Variants in PCDHGA1 observed in about 807,000 individuals in gnomAD.
PCDHGA1 encodes protocadherin gamma-A1.
Under a neutral mutation model 58.0 loss-of-function variants are expected in PCDHGA1, and 32 were observed. That is an observed-to-expected ratio of 0.55 (90% CI 0.42 to 0.74). The LOEUF (loss-of-function observed/expected upper bound fraction) is 0.74, where lower values mean the gene tolerates loss of function less well. Ranked by LOEUF, PCDHGA1 falls within the 30% of genes least tolerant of loss-of-function variation. The pLI is 0.00. For missense variants in PCDHGA1, 1,205 were observed against 1,182.3 expected, an observed-to-expected ratio of 1.02 and a Z score of -0.28; for synonymous variants, 498 against 501.1, an observed-to-expected ratio of 0.99 and a Z score of 0.08.
intron 1 of PCDHGA1, chr5:141,350,444 C>T (rs1238234703): frequency 6.2e-7 from 1 of 1,610,540 alleles, no homozygotes; most frequent in African/African-American, 1.3e-5. Flanking sequence ...GTTGCCAACT[C>T]GAAAACTGCG....
chr5:141,361,047 G>C, intron 1 of PCDHGA1: 1 of 1,613,616 alleles, frequency 6.2e-7, no homozygotes, highest in Non-Finnish European at 8.5e-7. Flanking sequence ...TCACGACAAA[G>C]GATGATTTGG....
At chr5:141,364,869 T>G (rs1187168738) in intron 1 of PCDHGA1, 1 of 1,613,998 alleles carries the variant, frequency 6.2e-7, no homozygotes, top group East Asian at 2.2e-5. Flanking sequence ...CACTTCTCTC[T>G]GGATGTGGTA....
chr5:141,409,546 C>T lies in PCDHGA1; in HGVS notation c.2421+76441C>T, dbSNP rs775680397. 19 of 1,613,880 alleles carry T rather than the reference C, an allele frequency of 1.2e-5. No individual in the cohort carries two copies. The South Asian group carries it at 2.0e-4, about 17-fold the overall frequency. ...TGTATGTCGCTGACATCAACGACAA[C>T]GCCCCAGTTTTCGACCAGACGTCCT... On this transcript the variant is annotated intron_variant, in intron 1 of 3. Coordinates refer to ENST00000517417, the MANE Select transcript of PCDHGA1 (RefSeq NM_018912.3).
intron 1 of PCDHGA1, chr5:141,421,959 A>G (rs2096614103): frequency 1.9e-6 from 3 of 1,612,798 alleles, no homozygotes; most frequent in East Asian, 2.2e-5. Flanking sequence ...CAATGTTTAC[A>G]CAGTCCGTAT....
In PCDHGA1 at chr5:141,476,802, C is replaced by T; in HGVS notation, c.2422-18005C>T. 2 of 1,613,638 alleles carry T rather than the reference C, an allele frequency of 1.2e-6. No homozygotes were observed. The highest frequency in any genetic ancestry group is 1.7e-6 in the Non-Finnish European group (2 of 1,180,020). On this transcript the variant is annotated intron_variant, in intron 1 of 3. Coordinates refer to ENST00000517417, the MANE Select transcript of PCDHGA1 (RefSeq NM_018912.3). The surrounding 1 kb of genome is among the most constrained non-coding windows in gnomAD (Gnocchi z 7.6). ...ACCCCAGCTCTCTCCGCCAGCCTGC[C>T]TATTCACATCAAGGTGCTGGACGCG... is the stretch of plus-strand genomic sequence containing the variant.
chr5:141,441,752 C>T, intron 1 of PCDHGA1: 2 of 378,086 alleles, frequency 5.3e-6, no homozygotes, highest in Non-Finnish European at 1.1e-5. Context: ...TCGGCGTCAA[C>T]GTGAGCCTGC....
In PCDHGA1 at chr5:141,380,519, G is replaced by C. The variant is rs564373516; in HGVS notation, c.2421+47414G>C. 2.0e-5 allele frequency among the ~76,000 whole-genome samples: 3 copies of C among 152,234 alleles called. No homozygotes were observed. In the East Asian group the frequency reaches 5.8e-4, roughly 29 times the overall value. ...CAATAATATACACTCTTTAAACTATGAAATGATTTCAATTTGATACAATGA... is the reference window on the plus strand; with the variant it reads ...CAATAATATACACTCTTTAAACTATCAAATGATTTCAATTTGATACAATGA... On this transcript the variant is annotated intron_variant, in intron 1 of 3. Transcript: ENST00000517417.
At chr5:141,471,492 G>A (rs912591449) in intron 1 of PCDHGA1, 1 of 152,176 alleles carries the variant, frequency 6.6e-6, no homozygotes, top group Non-Finnish European at 1.5e-5. Context: ...GGAATTTAGG[G>A]AATGCAAGAG....
At chr5:141,423,192 C>T in intron 1 of PCDHGA1, 2 of 1,613,622 alleles carry the variant, frequency 1.2e-6, no homozygotes, top group African/African-American at 2.7e-5. Context: ...AGCCCCCTCT[C>T]TCGGCCACCG....
intron 1 of PCDHGA1, among the ~76,000 whole-genome samples, chr5:141,368,453 G>A (rs775342461): frequency 2.2e-4 from 33 of 151,956 alleles, no homozygotes; most frequent in Non-Finnish European, 4.1e-4. Flanking sequence ...CAAACTCACC[G>A]AATAGTGAAT....
chr5:141,371,232 G>A lies in PCDHGA1; in HGVS notation c.2421+38127G>A, dbSNP rs1383557802. On this transcript the variant is annotated intron_variant, in intron 1 of 3. Coordinates refer to ENST00000517417, the MANE Select transcript of PCDHGA1 (RefSeq NM_018912.3). ...GGGCATCAATGCCGAAATCATCTATGCCTTCATCAATATTGGCAAGGAAGT... is the reference window on the plus strand; with the variant it reads ...GGGCATCAATGCCGAAATCATCTATACCTTCATCAATATTGGCAAGGAAGT... 6 of 1,613,918 alleles carry A rather than the reference G, an allele frequency of 3.7e-6. No homozygotes were observed. In the Admixed American group the frequency reaches 6.7e-5, roughly 18 times the overall value.
chr5:141,330,805 A>C lies in PCDHGA1; in HGVS notation c.121A>C (p.Lys41Gln). The C allele has an allele frequency of 6.2e-7, 1 of 1,614,224 alleles. No homozygotes were observed. Among genetic ancestry groups the C allele is most frequent in the Middle Eastern group, 1.6e-4 (1 of 6,062 alleles). ...CTACTCAGTGCCGGAAGAGACAGAC[A>C]AAGGTTCCTTCGTAGGCAACATCGC... ...IHYSVPEETDKGSFVGNIAKD... is the reference protein window; with the variant it reads ...IHYSVPEETDQGSFVGNIAKD... The change falls in exon 1 of 4, where the codon AAA becomes CAA. Residue 41 changes from lysine to glutamine, a missense_variant. Physicochemically the swap from Lys to Gln is moderately conservative, Grantham distance 53. Coordinates refer to ENST00000517417, the MANE Select transcript of PCDHGA1 (RefSeq NM_018912.3).
chr5:141,392,785 T>G (rs1329989423), intron 1 of PCDHGA1: 2 of 1,549,000 alleles, frequency 1.3e-6, no homozygotes, highest in African/African-American at 2.7e-5. Flanking sequence ...ACAGTGAAGA[T>G]TCTGAGAGGA....
intron 1 of PCDHGA1, among the ~76,000 whole-genome samples, chr5:141,445,544 T>C (rs1223868698): frequency 6.6e-6 from 1 of 152,126 alleles, no homozygotes; most frequent in Non-Finnish European, 1.5e-5. Context: ...CAAGGAGAAA[T>C]ACAAAAGCAC....
At chr5:141,498,971 G>GGGAGGGAAGGAAGGAAGGAA (rs2099787588) in intron 2 of PCDHGA1, among the ~76,000 whole-genome samples, 11 of 111,048 alleles carry the variant, frequency 9.9e-5, no homozygotes, top group African/African-American at 3.2e-4. Context: ...GAGGGAGGGA[G>GGGAGGGAAGGAAGGAAGGAA]GGAAGGAAGG....
At chr5:141,368,558 T>C (rs2149928409) in intron 1 of PCDHGA1, among the ~76,000 whole-genome samples, 1 of 152,140 alleles carries the variant, frequency 6.6e-6, no homozygotes, top group East Asian at 1.9e-4. Context: ...TAAAAGAAAA[T>C]GTTATATGCT....
chr5:141,433,555 G>C (rs1434189062), intron 1 of PCDHGA1, among the ~76,000 whole-genome samples: 1 of 152,088 alleles, frequency 6.6e-6, no homozygotes, highest in African/African-American at 2.4e-5. Flanking sequence ...TTCTTTTCTG[G>C]CTGGGCGCGG....
intron 1 of PCDHGA1, chr5:141,341,026 C>T (rs1447473914): frequency 2.5e-6 from 4 of 1,614,160 alleles, no homozygotes; most frequent in South Asian, 2.2e-5. Flanking sequence ...CCATACCCAA[C>T]GATTCGGACC....
rs2099622509 is a variant in PCDHGA1 at position 141,485,988 on chromosome 5, G to T, written c.2422-8819G>T. On this transcript the variant is annotated intron_variant, in intron 1 of 3. Coordinates refer to ENST00000517417, the MANE Select transcript of PCDHGA1 (RefSeq NM_018912.3). The surrounding 1 kb of genome is among the most constrained non-coding windows in gnomAD (Gnocchi z 5.7). The stretch of plus-strand genomic sequence containing the variant: ...CTCAATGCCTCAGACCCGGACCTGG[G>T]TCCCAGTGGTAACGTCACCTTTTAT... 16 of 1,614,188 alleles carry T rather than the reference G, an allele frequency of 9.9e-6. No homozygotes were observed. The highest frequency in any genetic ancestry group is 1.4e-5 in the Non-Finnish European group (16 of 1,180,038).
Sources: gnomAD v4.1 joint callset for allele counts (sites outside exome capture counted in the v4.1 genomes callset) on GRCh38, gnomAD v4.1.1 for gene constraint, Gnocchi (gnomAD v3.1) non-coding constraint, MANE v1.5 for transcripts, NCBI Gene and HGNC (gene_info 2026-07-23, HGNC 2026-07-21) for gene names.